Variants in ZHX3 observed in about 807,000 individuals in gnomAD.
The protein encoded by ZHX3 is zinc fingers and homeoboxes protein 3.
Under a neutral mutation model 64.5 loss-of-function variants are expected in ZHX3, and 20 were observed. That is an observed-to-expected ratio of 0.31 (90% CI 0.22 to 0.45). The LOEUF (loss-of-function observed/expected upper bound fraction) is 0.45, where lower values mean the gene tolerates loss of function less well. ZHX3 is among the 20% of genes least tolerant of loss of function. ZHX3 has a pLI of 1.00. For synonymous variants in ZHX3, 423 were observed against 461.6 expected (o/e 0.92, Z 1.07); for missense variants, 1,041 against 1,195.8 (o/e 0.87, Z 1.91).
At chr20:41,229,265 A>T (rs1278176618) in intron 2 of ZHX3, among the ~76,000 whole-genome samples, 1 of 152,174 alleles carries the variant, frequency 6.6e-6, no homozygotes, top group Non-Finnish European at 1.5e-5. Flanking sequence ...AAGGCTGAAT[A>T]ATATCCCCCT....
chr20:41,244,670 T>A (rs2041585243), intron 2 of ZHX3, among the ~76,000 whole-genome samples: 1 of 152,172 alleles, frequency 6.6e-6, no homozygotes, highest in Admixed American at 6.5e-5. Flanking sequence ...GAAAAACCCT[T>A]ACTCTCTTTC....
intron 2 of ZHX3, among the ~76,000 whole-genome samples, chr20:41,235,787 A>C (rs972549498): frequency 6.6e-6 from 1 of 152,186 alleles, no homozygotes; most frequent in African/African-American, 2.4e-5. Context: ...CAGGCAGGAG[A>C]AGGAAATAAA....
intron 1 of ZHX3, among the ~76,000 whole-genome samples, chr20:41,283,204 C>T (rs535132328): frequency 1.8e-4 from 28 of 152,240 alleles, no homozygotes; most frequent in Non-Finnish European, 2.4e-4. Context: ...CCACCATGCC[C>T]GGCCTCAAAA....
chr20:41,259,549 A>G (rs2042449421), intron 2 of ZHX3, among the ~76,000 whole-genome samples: 1 of 152,200 alleles, frequency 6.6e-6, no homozygotes, highest in Non-Finnish European at 1.5e-5. Flanking sequence ...AAGTAGATAC[A>G]TGTGAATGGA....
At chr20:41,284,239 A>G (rs1050400420) in intron 1 of ZHX3, among the ~76,000 whole-genome samples, 1 of 152,194 alleles carries the variant, frequency 6.6e-6, no homozygotes, top group Non-Finnish European at 1.5e-5. Flanking sequence ...GCCAAGCAGC[A>G]TGCTATCCTA....
intron 2 of ZHX3, among the ~76,000 whole-genome samples, chr20:41,225,346 T>TC (rs2040195383): frequency 1.3e-5 from 2 of 152,188 alleles, no homozygotes; most frequent in African/African-American, 4.8e-5. Context: ...TACCACCACA[T>TC]CCCACTCAGA....
intron 2 of ZHX3, among the ~76,000 whole-genome samples, chr20:41,268,151 C>T (rs1166314169): frequency 6.6e-6 from 1 of 150,778 alleles, no homozygotes; most frequent in Non-Finnish European, 1.5e-5. Context: ...AGAGATGTTG[C>T]CATGGAGTTG....
intron 3 of ZHX3, among the ~76,000 whole-genome samples, chr20:41,198,761 A>G (rs916007906): frequency 6.6e-6 from 1 of 151,854 alleles, no homozygotes; most frequent in African/African-American, 2.4e-5. Context: ...TTCTATCATT[A>G]TTTCTTTAAA....
chr20:41,229,619 A>G (rs1428528537), intron 2 of ZHX3, among the ~76,000 whole-genome samples: 2 of 152,088 alleles, frequency 1.3e-5, no homozygotes, highest in Non-Finnish European at 2.9e-5. Context: ...GTGAGGCTGT[A>G]TCTCACTGTG....
intron 2 of ZHX3, among the ~76,000 whole-genome samples, chr20:41,221,520 AATAG>A (rs1389276582): frequency 1.3e-5 from 2 of 152,242 alleles, no homozygotes; most frequent in African/African-American, 2.4e-5. Flanking sequence ...GACAAAAAAA[AATAG>A]ATAGAAATCT....
At chr20:41,271,535 C>A (rs563057771) in intron 1 of ZHX3, among the ~76,000 whole-genome samples, 2 of 152,168 alleles carry the variant, frequency 1.3e-5, no homozygotes, top group South Asian at 2.1e-4. Flanking sequence ...GTCTGGATGG[C>A]ATATTTTGGA....
chr20:41,282,856 C>G (rs1004561266), intron 1 of ZHX3, among the ~76,000 whole-genome samples: 1 of 152,208 alleles, frequency 6.6e-6, no homozygotes, highest in African/African-American at 2.4e-5. Context: ...CACGTAATAA[C>G]ACTAAAAATT....
At chr20:41,263,980 G>A (rs2042695919) in intron 2 of ZHX3, among the ~76,000 whole-genome samples, 1 of 151,730 alleles carries the variant, frequency 6.6e-6, no homozygotes. Flanking sequence ...GACACAAAAA[G>A]AAGCAATAAA....
At position 41,191,827 on chromosome 20, in the gene ZHX3, T is replaced by C. The variant is rs2037044587; in HGVS notation, c.2861-6626A>G. On this transcript the variant is annotated intron_variant, in intron 3 of 3. Coordinates refer to ENST00000683867, the MANE Select transcript of ZHX3 (RefSeq NM_001384317.1). ...GAGTAGTTACTAGTGGAAGCTATGG[T>C]AAAATTTTGCTAAGGACTGGAATGC... 3.3e-5 allele frequency among the ~76,000 whole-genome samples: 5 copies of C among 152,200 alleles called. No homozygotes were observed. The South Asian group carries it at 8.3e-4, about 25-fold the overall frequency.
chr20:41,216,174 G>A (rs553730599), intron 2 of ZHX3, among the ~76,000 whole-genome samples: 6 of 152,124 alleles, frequency 3.9e-5, no homozygotes, highest in African/African-American at 7.2e-5. Flanking sequence ...AAAGTTACTC[G>A]TGATGTATAA....
chr20:41,310,051 C>T (rs1403720079), intron 1 of ZHX3, among the ~76,000 whole-genome samples: 1 of 152,184 alleles, frequency 6.6e-6, no homozygotes, highest in East Asian at 1.9e-4. Flanking sequence ...TCCTTTTCTC[C>T]TCCCCATCTA....
At chr20:41,192,233 A>G (rs1429185314) in intron 3 of ZHX3, among the ~76,000 whole-genome samples, 1 of 152,180 alleles carries the variant, frequency 6.6e-6, no homozygotes, top group African/African-American at 2.4e-5. Flanking sequence ...ACCCAAGAGG[A>G]GTATTCAAGT....
Position 41,202,265 on chromosome 20 carries a change from AGCAAACCACT to A in ZHX3, c.2642_2651del (p.Gln881LeufsTer162). The stretch of plus-strand genomic sequence containing the variant: ...CTCTGGTCTCCTCCCCCATTTTCTC[AGCAAACCACT>A]GCTTGACCTGCTGGGAGCTCATCTG... On this transcript the variant is annotated frameshift_variant, in exon 3 of 4. Transcript: ENST00000683867. LOFTEE classifies it high-confidence loss of function. The surrounding 1 kb of genome is among the most constrained non-coding windows in gnomAD (Gnocchi z 7.0). The A allele has an allele frequency of 6.2e-7, 1 of 1,613,936 alleles. No homozygotes were observed. Among genetic ancestry groups the A allele is most frequent in the Non-Finnish European group, 8.5e-7 (1 of 1,179,968 alleles).
intron 1 of ZHX3, among the ~76,000 whole-genome samples, chr20:41,299,547 G>A (rs528641907): frequency 6.6e-6 from 1 of 152,260 alleles, no homozygotes; most frequent in African/African-American, 2.4e-5. Context: ...AAAAATTCAA[G>A]AGTAGAAAAA....
Sources: gnomAD v4.1 joint callset for allele counts (sites outside exome capture counted in the v4.1 genomes callset) on GRCh38, gnomAD v4.1.1 for gene constraint, Gnocchi (gnomAD v3.1) non-coding constraint, MANE v1.5 for transcripts, NCBI Gene and HGNC (gene_info 2026-07-23, HGNC 2026-07-21) for gene names.